Variants in TMEM260 observed in about 807,000 individuals in gnomAD.
TMEM260 encodes the protein transmembrane protein 260.
Under a neutral mutation model 88.9 loss-of-function variants are expected in TMEM260, and 82 were observed. The observed-to-expected ratio is 0.92, with a 90% CI of 0.77 to 1.11. TMEM260 has a LOEUF of 1.11. Ranked by LOEUF, TMEM260 falls within the 50% of genes least tolerant of loss-of-function variation. The pLI is 0.00. For synonymous variants in TMEM260, 314 were observed against 309.3 expected (o/e 1.02, Z -0.16); for missense variants, 902 against 853.4 (o/e 1.06, Z -0.71).
At chr14:56,607,215 C>T (rs1886966725) in intron 5 of TMEM260, among the ~76,000 whole-genome samples, 1 of 152,126 alleles carries the variant, frequency 6.6e-6, no homozygotes, top group South Asian at 2.1e-4. Flanking sequence ...GATACATCTC[C>T]CTCTCGTATT....
chr14:56,651,863 A>G (rs147395903), downstream of TMEM260, among the ~76,000 whole-genome samples: 1,718 of 152,372 alleles, frequency 0.011, 20 homozygotes, highest in Middle Eastern at 0.027. Context: ...AAGTTCATAA[A>G]CGTTGCAAAC....
downstream of TMEM260, among the ~76,000 whole-genome samples, chr14:56,649,867 A>G (rs556132991): frequency 2.0e-5 from 3 of 152,330 alleles, no homozygotes; most frequent in South Asian, 6.2e-4. Context: ...TGAGAAACCA[A>G]TGATATGATG....
Position 56,647,433 on chromosome 14 carries a change from T to C in TMEM260, c.2060T>C (p.Ile687Thr). Residue 687 changes from isoleucine (I) to threonine (T), a missense_variant, in exon 16 of 16, where the codon ATT (isoleucine) becomes ACT (threonine). Transcript: ENST00000261556. ...CCGAATGACCCACAGCAAGCTGATA[T>C]TTTAGGTGCTCTAAAGCACCTAAGA... ...KAPNDPQQAD[I>T]LGALKHLRKE... 3 of 1,614,158 alleles carry C rather than the reference T, an allele frequency of 1.9e-6. No homozygotes were observed. Among genetic ancestry groups the C allele is most frequent in the Non-Finnish European group, 2.5e-6 (3 of 1,180,032 alleles).
At chr14:56,618,553 AAT>A (rs1468754438) in intron 9 of TMEM260, 39 bp from the exon 10 acceptor site, 1 of 1,595,998 alleles carries the variant, frequency 6.3e-7, no homozygotes, top group South Asian at 1.1e-5. Flanking sequence ...GATAGCATTA[AAT>A]AGTCAACTGG....
At chr14:56,646,748 TGTTA>T (rs1889991528) in intron 15 of TMEM260, among the ~76,000 whole-genome samples, 1 of 152,168 alleles carries the variant, frequency 6.6e-6, no homozygotes. Context: ...TTGCTAGTGT[TGTTA>T]GTGTTGTTTT....
the TMEM260 span, among the ~76,000 whole-genome samples, chr14:56,656,468 CT>C: frequency 2.6e-5 from 4 of 152,050 alleles, no homozygotes. Context: ...ATTTCCTTTT[CT>C]GTAGAATGGA....
chr14:56,609,452 TAAGAG>T (rs1244270170), intron 6 of TMEM260, among the ~76,000 whole-genome samples, 167 bp downstream of exon 6: 1 of 152,222 alleles, frequency 6.6e-6, no homozygotes, highest in Non-Finnish European at 1.5e-5. Flanking sequence ...TTGATATATG[TAAGAG>T]AAAAGTCAGA....
At chr14:56,619,586 A>G (rs1023566200) in intron 10 of TMEM260, 1 of 152,238 alleles carries the variant, frequency 6.6e-6, no homozygotes, top group Non-Finnish European at 1.5e-5. Context: ...TCAGTCTGAC[A>G]TAAAAGACGT....
downstream of TMEM260, among the ~76,000 whole-genome samples, chr14:56,651,326 G>GAA (rs72001981): frequency 2.0e-5 from 3 of 148,560 alleles, no homozygotes; most frequent in African/African-American, 7.4e-5. Context: ...GGTTTTTCAG[G>GAA]AAAAAAAAAA....
At chr14:56,589,760 A>G (rs1290289481) in intron 3 of TMEM260, among the ~76,000 whole-genome samples, 1 of 152,188 alleles carries the variant, frequency 6.6e-6, no homozygotes, top group Non-Finnish European at 1.5e-5. Context: ...ATTTTTAAAC[A>G]TCGTGTTGCT....
intron 15 of TMEM260, among the ~76,000 whole-genome samples, chr14:56,638,003 TGAGGGAGG>T (rs1255137810): frequency 6.6e-6 from 1 of 150,778 alleles, no homozygotes; most frequent in African/African-American, 2.4e-5. Flanking sequence ...AGTAGGCTGG[TGAGGGAGG>T]GAGGAAGGGA....
intron 3 of TMEM260, among the ~76,000 whole-genome samples, chr14:56,598,067 C>T (rs1440093726): frequency 1.3e-5 from 2 of 151,966 alleles, no homozygotes; most frequent in Non-Finnish European, 2.9e-5. Context: ...GAGTGCAGTG[C>T]TGGGAACAGA....
At chr14:56,597,329 A>G (rs757115671) in intron 3 of TMEM260, among the ~76,000 whole-genome samples, 10 of 152,232 alleles carry the variant, frequency 6.6e-5, no homozygotes, top group Non-Finnish European at 8.8e-5. Context: ...TTCTTCAAAT[A>G]TTCCAAAATC....
chr14:56,610,870 T>C (rs1232516749), intron 6 of TMEM260, among the ~76,000 whole-genome samples: 2 of 152,060 alleles, frequency 1.3e-5, no homozygotes, highest in African/African-American at 4.8e-5. Context: ...ATAATGGAAG[T>C]ATAAAAAGGT....
downstream of TMEM260, among the ~76,000 whole-genome samples, chr14:56,653,916 G>A (rs529106556): frequency 1.3e-5 from 2 of 152,158 alleles, no homozygotes; most frequent in South Asian, 4.1e-4. Context: ...AAGCTTCTTG[G>A]CTCAACCTGG....
At position 56,647,513 on chromosome 14, in the gene TMEM260, A is replaced by G; in HGVS notation, c.*16A>G. The G allele has an allele frequency of 6.4e-7, 1 of 1,568,836 alleles. No homozygotes were observed. Among genetic ancestry groups the G allele is most frequent in the Non-Finnish European group, 8.6e-7 (1 of 1,161,690 alleles). Reference sequence around the variant, plus strand: ...AAATGTCTGAGACAGCAAAATATGAAAAACCTGCTCATCGTTCAGCTTCCA... The same window carrying G: ...AAATGTCTGAGACAGCAAAATATGAGAAACCTGCTCATCGTTCAGCTTCCA... On this transcript the variant is annotated 3_prime_UTR_variant, in exon 16 of 16. Transcript: ENST00000261556.
intron 3 of TMEM260, among the ~76,000 whole-genome samples, chr14:56,603,320 C>G (rs1305881821): frequency 6.6e-6 from 1 of 152,094 alleles, no homozygotes; most frequent in Non-Finnish European, 1.5e-5. Context: ...ATATTGTGAT[C>G]AAGACATTCT....
At position 56,603,808 on chromosome 14, in the gene TMEM260, T is replaced by C; in HGVS notation, c.345-7T>C. The C allele has an allele frequency of 6.2e-7, 1 of 1,613,776 alleles. No individual in the cohort carries two copies. The highest frequency in any genetic ancestry group is 1.3e-5 in the African/African-American group (1 of 75,038). On this transcript the variant is annotated splice_polypyrimidine_tract_variant and splice_region_variant and intron_variant, in intron 3 of 15. Coordinates refer to ENST00000261556, the MANE Select transcript of TMEM260 (RefSeq NM_017799.4). ...AAAAGAAGATTTCATGTTATCTGTG[T>C]TTGCAGGCTTTCTGGCTCATCTGCT... is the stretch of plus-strand genomic sequence containing the variant.
intron 15 of TMEM260, among the ~76,000 whole-genome samples, chr14:56,638,658 G>GGTAATTACTGAATT (rs1280016644): frequency 6.6e-6 from 1 of 151,864 alleles, no homozygotes; most frequent in Non-Finnish European, 1.5e-5. Context: ...ATTACTTCAT[G>GGTAATTACTGAATT]GTAATTACTG....
Sources: gnomAD v4.1 joint callset for allele counts (sites outside exome capture counted in the v4.1 genomes callset) on GRCh38, gnomAD v4.1.1 for gene constraint, MANE v1.5 for transcripts, NCBI Gene and HGNC (gene_info 2026-07-23, HGNC 2026-07-21) for gene names.